The following LUZP2 variants were observed in gnomAD, a reference collection of about 807,000 sequenced individuals.
LUZP2 encodes the protein leucine zipper protein 2.
LUZP2 carries 52 observed loss-of-function variants against 51.6 expected under a neutral mutation model. That is an observed-to-expected ratio of 1.01 (90% CI 0.81 to 1.27). The LOEUF is 1.27. LUZP2 is among the 50% of genes most tolerant of loss of function. The pLI is 0.00. For missense variants in LUZP2, 436 were observed against 395.4 expected (o/e 1.10, Z -0.87); for synonymous variants, 154 against 137.3 (o/e 1.12, Z -0.85).
intron 1 of LUZP2, among the ~76,000 whole-genome samples, chr11:24,624,060 A>G (rs866513915): frequency 3.8e-4 from 58 of 152,200 alleles, no homozygotes; most frequent in African/African-American, 1.3e-3. Context: ...TCTTTTAAAT[A>G]TCATTAATCT....
At chr11:24,727,001 A>T (rs1858506196) in intron 1 of LUZP2, among the ~76,000 whole-genome samples, 2 of 152,110 alleles carry the variant, frequency 1.3e-5, no homozygotes, top group South Asian at 4.1e-4. Flanking sequence ...CATTTTCCTG[A>T]TAACTTGTGC....
intron 9 of LUZP2, among the ~76,000 whole-genome samples, chr11:25,000,671 C>G (rs1451627411): frequency 6.6e-6 from 1 of 152,140 alleles, no homozygotes; most frequent in Non-Finnish European, 1.5e-5. Context: ...AAAGGTGTTG[C>G]CTGATTTCAG....
chr11:24,844,475 A>G (rs1057181367), intron 5 of LUZP2, among the ~76,000 whole-genome samples: 5 of 152,162 alleles, frequency 3.3e-5, no homozygotes, highest in African/African-American at 1.2e-4. Flanking sequence ...GAATATTTGC[A>G]CCCTGACAAT....
chr11:24,642,275 A>C (rs1054021351), intron 1 of LUZP2, among the ~76,000 whole-genome samples: 2 of 151,834 alleles, frequency 1.3e-5, no homozygotes, highest in Non-Finnish European at 2.9e-5. Flanking sequence ...GTTTTGTCAC[A>C]TTCTGCATTT....
chr11:24,841,568 A>G (rs758661036), intron 5 of LUZP2, among the ~76,000 whole-genome samples: 2 of 152,124 alleles, frequency 1.3e-5, no homozygotes, highest in Non-Finnish European at 2.9e-5. Context: ...TTTCTGTCTC[A>G]ATACATTTAA....
At chr11:24,950,043 A>T (rs115647882) in intron 7 of LUZP2, among the ~76,000 whole-genome samples, 1,995 of 147,600 alleles carry the variant, frequency 0.014, 40 homozygotes, top group African/African-American at 0.043. Flanking sequence ...ATGGGTGGAT[A>T]CCCATGATGG....
chr11:24,617,449 T>C (rs1441182269), intron 1 of LUZP2, among the ~76,000 whole-genome samples: 2 of 152,222 alleles, frequency 1.3e-5, no homozygotes, highest in African/African-American at 4.8e-5. Context: ...TCTGTTATCT[T>C]CATGTTGGCA....
chr11:24,509,221 G>A (rs1419198977), intron 1 of LUZP2, among the ~76,000 whole-genome samples: 1 of 151,998 alleles, frequency 6.6e-6, no homozygotes, highest in Non-Finnish European at 1.5e-5. Context: ...ATTCACATTT[G>A]GTCTGTCTTG....
intron 1 of LUZP2, among the ~76,000 whole-genome samples, chr11:24,687,436 GA>G (rs1856929849): frequency 6.6e-6 from 1 of 152,112 alleles, no homozygotes; most frequent in African/African-American, 2.4e-5. Context: ...AGGATTAAAT[GA>G]ATTTAATCCT....
At chr11:25,018,167 A>T (rs748639643) in intron 9 of LUZP2, among the ~76,000 whole-genome samples, 27 of 151,606 alleles carry the variant, frequency 1.8e-4, no homozygotes, top group Non-Finnish European at 3.7e-4. Context: ...GATACTTGAG[A>T]CTTCTCTGAA....
intron 5 of LUZP2, among the ~76,000 whole-genome samples, chr11:24,763,812 C>T (rs551086866): frequency 1.3e-5 from 2 of 152,032 alleles, no homozygotes; most frequent in East Asian, 1.9e-4. Flanking sequence ...TTCTTTGATT[C>T]TTTATCTTGT....
intron 7 of LUZP2, among the ~76,000 whole-genome samples, chr11:24,959,020 C>G (rs568913729): frequency 1.7e-4 from 26 of 152,160 alleles, no homozygotes; most frequent in Non-Finnish European, 2.8e-4. Context: ...GAATCCTTTC[C>G]CCATTGCTTG....
At chr11:24,699,086 AAC>A (rs67317108) in intron 1 of LUZP2, among the ~76,000 whole-genome samples, 12,237 of 138,246 alleles carry the variant, frequency 0.089, 519 homozygotes, top group African/African-American at 0.11. Flanking sequence ...AAACCACAGA[AAC>A]ACACACACAC....
chr11:24,569,325 G>T (rs529917467), intron 1 of LUZP2, among the ~76,000 whole-genome samples: 1 of 151,886 alleles, frequency 6.6e-6, no homozygotes, highest in Non-Finnish European at 1.5e-5. Flanking sequence ...AATAAAAATG[G>T]TATATTAAAT....
At chr11:24,998,942 T>A (rs1174715176) in intron 9 of LUZP2, among the ~76,000 whole-genome samples, 1 of 152,194 alleles carries the variant, frequency 6.6e-6, no homozygotes, top group African/African-American at 2.4e-5. Context: ...AAAACTGTTT[T>A]TGTGTGAAAT....
chr11:24,817,377 AG>A (rs1457973200), intron 5 of LUZP2, among the ~76,000 whole-genome samples: 16 of 152,148 alleles, frequency 1.1e-4, no homozygotes, highest in African/African-American at 3.8e-4. Flanking sequence ...TCGTATTTCT[AG>A]TTGGCTCATG....
chr11:24,513,926 G>A (rs918367519), intron 1 of LUZP2, among the ~76,000 whole-genome samples: 1 of 152,220 alleles, frequency 6.6e-6, no homozygotes, highest in East Asian at 1.9e-4. Flanking sequence ...GGAGGACCAC[G>A]TAAGCATGGA....
intron 9 of LUZP2, among the ~76,000 whole-genome samples, chr11:25,015,167 G>A (rs11028348): frequency 0.38 from 57,819 of 151,938 alleles, 13,345 homozygotes; most frequent in East Asian, 0.77. Flanking sequence ...TGCTATATCC[G>A]TATAAATTCT....
At chr11:24,669,323 G>A (rs1269594796) in intron 1 of LUZP2, among the ~76,000 whole-genome samples, 2 of 152,048 alleles carry the variant, frequency 1.3e-5, no homozygotes, top group African/African-American at 4.8e-5. Flanking sequence ...GTTGTATTCA[G>A]TGTTACTCAA....
Sources: allele counts gnomAD v4.1 joint callset (sites outside exome capture counted in the v4.1 genomes callset), GRCh38; gene constraint gnomAD v4.1.1; transcripts MANE v1.5; gene names NCBI Gene and HGNC (gene_info 2026-07-23, HGNC 2026-07-21).